Variants in IL1RAPL2 observed in about 807,000 individuals in gnomAD.
IL1RAPL2 encodes X-linked interleukin-1 receptor accessory protein-like 2.
A neutral mutation model predicts 44.1 loss-of-function variants in IL1RAPL2; 3 were observed. The ratio of observed to expected loss-of-function variants is 0.07; its 90% confidence interval spans 0.03 to 0.18. The LOEUF (loss-of-function observed/expected upper bound fraction) is 0.18. Ranked by LOEUF, IL1RAPL2 falls within the 10% of genes least tolerant of loss-of-function variation. The pLI is 1.00. For synonymous variants in IL1RAPL2, 181 were observed against 178.8 expected, an observed-to-expected ratio of 1.01 and a Z score of -0.10; for missense variants, 391 against 496.4, an observed-to-expected ratio of 0.79 and a Z score of 2.02.
At chrX:105,560,365 A>G (rs1299560069) in intron 6 of IL1RAPL2, among the ~76,000 whole-genome samples, 1 of 111,965 alleles carries the variant, frequency 8.9e-6, no homozygotes, top group Non-Finnish European at 1.9e-5. Flanking sequence ...ACTGTTGGCT[A>G]GATGCCTGGA....
intron 2 of IL1RAPL2, among the ~76,000 whole-genome samples, chrX:104,662,299 G>C (rs1254184949): frequency 8.9e-6 from 1 of 111,942 alleles, no homozygotes; most frequent in Non-Finnish European, 1.9e-5. Context: ...AGCAAAGATG[G>C]CTCTGAGACT....
intron 6 of IL1RAPL2, among the ~76,000 whole-genome samples, chrX:105,548,760 T>C (rs996634035): frequency 3.6e-5 from 4 of 111,636 alleles, no homozygotes; most frequent in Non-Finnish European, 7.5e-5. Flanking sequence ...GGATAATAAT[T>C]GCTACTTCAT....
At chrX:105,129,731 A>G (rs2033009213) in intron 2 of IL1RAPL2, among the ~76,000 whole-genome samples, 1 of 110,648 alleles carries the variant, frequency 9.0e-6, no homozygotes, top group Non-Finnish European at 1.9e-5. Context: ...CCACAAGCCT[A>G]TTGTGAAATA....
chrX:105,413,369 T>A (rs1256511348), intron 5 of IL1RAPL2, among the ~76,000 whole-genome samples: 2 of 111,163 alleles, frequency 1.8e-5, no homozygotes, highest in African/African-American at 6.5e-5. Flanking sequence ...ACTATCCAGG[T>A]GGGCCCAGTG....
chrX:105,327,905 G>A (rs749244817), intron 5 of IL1RAPL2, among the ~76,000 whole-genome samples: 81 of 111,519 alleles, frequency 7.3e-4, no homozygotes, highest in African/African-American at 2.4e-3. Flanking sequence ...AACCTTGGGA[G>A]AGCATACTTT....
intron 2 of IL1RAPL2, among the ~76,000 whole-genome samples, chrX:104,931,627 ACT>A (rs750029162): frequency 1.8e-5 from 2 of 111,391 alleles, no homozygotes; most frequent in African/African-American, 6.5e-5. Context: ...ATAGAAAAAT[ACT>A]CTGAGACATA....
chrX:104,685,370 T>C (rs960239513), intron 2 of IL1RAPL2, among the ~76,000 whole-genome samples: 1 of 112,126 alleles, frequency 8.9e-6, no homozygotes, highest in Non-Finnish European at 1.9e-5. Context: ...ACCTGCTCAA[T>C]ATACATGCAT....
At chrX:105,201,546 T>C (rs896970163) in intron 3 of IL1RAPL2, among the ~76,000 whole-genome samples, 16 of 111,955 alleles carry the variant, frequency 1.4e-4, no homozygotes, top group African/African-American at 4.9e-4. Context: ...TCAACAAACA[T>C]TCATTGAATA....
intron 1 of IL1RAPL2, among the ~76,000 whole-genome samples, chrX:104,619,185 G>A (rs1310549192): frequency 8.9e-6 from 1 of 112,286 alleles, no homozygotes; most frequent in Non-Finnish European, 1.9e-5. Flanking sequence ...TCTGGTCTGA[G>A]ACGGCAATGC....
At chrX:105,351,103 C>T (rs1244810704) in intron 5 of IL1RAPL2, among the ~76,000 whole-genome samples, 7 of 111,540 alleles carry the variant, frequency 6.3e-5, no homozygotes, top group Non-Finnish European at 1.3e-4. Context: ...GAATGGTCAT[C>T]ATTAAAAAGT....
At chrX:105,073,125 T>G (rs2032233429) in intron 2 of IL1RAPL2, among the ~76,000 whole-genome samples, 2 of 106,496 alleles carry the variant, frequency 1.9e-5, no homozygotes, top group South Asian at 9.0e-4. Flanking sequence ...ACATGTGCCA[T>G]GTTGGTGTGC....
intron 2 of IL1RAPL2, among the ~76,000 whole-genome samples, chrX:104,983,587 T>A (rs1350408093): frequency 2.8e-5 from 2 of 71,796 alleles, no homozygotes; most frequent in African/African-American, 9.1e-5. Context: ...ACATAATATA[T>A]AATATATTAT....
At chrX:104,634,042 T>C (rs1465578789) in intron 1 of IL1RAPL2, among the ~76,000 whole-genome samples, 1 of 111,646 alleles carries the variant, frequency 9.0e-6, no homozygotes, top group Non-Finnish European at 1.9e-5. Context: ...TGGTATGTTG[T>C]GTCTTTGTTC....
At chrX:104,918,035 A>G (rs777956458) in intron 2 of IL1RAPL2, among the ~76,000 whole-genome samples, 1 of 111,559 alleles carries the variant, frequency 9.0e-6, no homozygotes, top group South Asian at 3.7e-4. Flanking sequence ...TCCAAAAAAA[A>G]TTTATGTAAC....
At chrX:105,522,159 G>A (rs2032610652) in intron 6 of IL1RAPL2, among the ~76,000 whole-genome samples, 1 of 111,803 alleles carries the variant, frequency 8.9e-6, no homozygotes, top group South Asian at 3.7e-4. Flanking sequence ...ACTATGGTAA[G>A]CTTATAGGCA....
chrX:104,991,638 T>G (rs1482976360), intron 2 of IL1RAPL2, among the ~76,000 whole-genome samples: 1 of 111,384 alleles, frequency 9.0e-6, no homozygotes, highest in Non-Finnish European at 1.9e-5. Context: ...ATTTCAAGGG[T>G]TTCACTCCCT....
At chrX:104,806,830 T>C (rs1932925923) in intron 2 of IL1RAPL2, among the ~76,000 whole-genome samples, 1 of 111,917 alleles carries the variant, frequency 8.9e-6, no homozygotes, top group Admixed American at 9.5e-5. Context: ...GATATTACCT[T>C]CTGCATGTGG....
chrX:104,844,043 T>C (rs760967342), intron 2 of IL1RAPL2, among the ~76,000 whole-genome samples: 35 of 110,617 alleles, frequency 3.2e-4, no homozygotes, highest in Non-Finnish European at 5.7e-4. Flanking sequence ...CTTGAGGCTT[T>C]TAACTTCTGA....
At chrX:104,905,251 G>T (rs1159710328) in intron 2 of IL1RAPL2, among the ~76,000 whole-genome samples, 6 of 111,433 alleles carry the variant, frequency 5.4e-5, no homozygotes, top group Admixed American at 3.8e-4. Flanking sequence ...CATTTTGTAG[G>T]TTTCCTGTTC....
Sources: gnomAD v4.1 joint callset for allele counts (sites outside exome capture counted in the v4.1 genomes callset) on GRCh38, gnomAD v4.1.1 for gene constraint, MANE v1.5 for transcripts, NCBI Gene and HGNC (gene_info 2026-07-23, HGNC 2026-07-21) for gene names.